KCNS3: variants seen among roughly 807,000 people sequenced by gnomAD.
KCNS3 encodes the protein potassium voltage-gated channel modifier subfamily S member 3, also known as delayed-rectifier potassium channel regulatory subunit KCNS3.
In KCNS3, 13 loss-of-function variants were observed where a neutral mutation model predicts 31.0. The ratio of observed to expected loss-of-function variants is 0.42; its 90% CI spans 0.27 to 0.67. KCNS3 has a LOEUF of 0.67. Ranked by LOEUF, KCNS3 falls within the 30% of genes least tolerant of loss-of-function variation. The pLI, the probability that KCNS3 is intolerant of heterozygous loss-of-function variation, is 0.25. For missense variants in KCNS3, 545 were observed against 622.4 expected (o/e 0.88, Z 1.32); for synonymous variants, 238 against 241.5 (o/e 0.99, Z 0.13).
intron 1 of KCNS3, among the ~76,000 whole-genome samples, chr2:17,914,573 T>G (rs1217437032): frequency 6.6e-6 from 1 of 152,212 alleles, no homozygotes; most frequent in East Asian, 1.9e-4. Flanking sequence ...TTATCCACAT[T>G]TATTCTTTTC....
intron 1 of KCNS3, among the ~76,000 whole-genome samples, chr2:17,914,692 A>T (rs910565825): frequency 6.6e-6 from 1 of 152,198 alleles, no homozygotes; most frequent in African/African-American, 2.4e-5. Flanking sequence ...TGATATTAGG[A>T]CACTGTCCCT....
In KCNS3 at chr2:17,906,833, A is replaced by T. The variant is rs149947598; in HGVS notation, c.-251-10847A>T. ...ACTGTGGTCTGAGAGACTGTTTGTT[A>T]TAATTTCTGTTCTCTTACATTTGCT... On this transcript the variant is annotated intron_variant, in intron 1 of 2. Transcript: ENST00000304101. 7.4e-3 allele frequency among the ~76,000 whole-genome samples: 1,123 copies of T among 152,274 alleles called. 14 individuals carry two copies. The highest frequency in any genetic ancestry group is 0.026 in the African/African-American group (1,061 of 41,556).
At chr2:17,878,587 G>GGGCCCCGCCCCGTCCCGTCC (rs1406173116), upstream of KCNS3, 339 of 148,084 alleles carry the variant, frequency 2.3e-3, 2 homozygotes, top group African/African-American at 7.9e-3. Context: ...GCCGAGCGGC[G>GGGCCCCGCCCCGTCCCGTCC]GGCCCCGCCC....
intron 1 of KCNS3, among the ~76,000 whole-genome samples, chr2:17,886,678 G>GTCCA (rs1217971044): frequency 5.1e-5 from 7 of 136,970 alleles, no homozygotes; most frequent in Admixed American, 2.9e-4. Context: ...CCATCCATCC[G>GTCCA]TCCGTCCATC....
chr2:17,891,782 G>A (rs1475234606), intron 1 of KCNS3, among the ~76,000 whole-genome samples: 1 of 152,158 alleles, frequency 6.6e-6, no homozygotes, highest in African/African-American at 2.4e-5. Flanking sequence ...CAGGGTTTCT[G>A]CTGAGAAATC....
At chr2:17,923,879 C>A (rs1465606690) in intron 2 of KCNS3, among the ~76,000 whole-genome samples, 1 of 151,774 alleles carries the variant, frequency 6.6e-6, no homozygotes, top group Non-Finnish European at 1.5e-5. Flanking sequence ...ATTTTGGAAT[C>A]AATTTGTCAA....
intron 1 of KCNS3, among the ~76,000 whole-genome samples, chr2:17,881,195 G>A (rs536792904): frequency 6.6e-6 from 1 of 152,324 alleles, no homozygotes; most frequent in Admixed American, 6.5e-5. Flanking sequence ...AGGCCAGTGG[G>A]AAATGGTGGG....
rs533976474 is a variant in KCNS3, at chr2:17,914,822, C to T, written c.-251-2858C>T. Reference sequence around the variant, plus strand: ...TGCAAGCACAGAGGACACAGACCTACGGTGCACTGTCACTTGGAGTGTCTG... The same window carrying T: ...TGCAAGCACAGAGGACACAGACCTATGGTGCACTGTCACTTGGAGTGTCTG... On this transcript the variant is annotated intron_variant, in intron 1 of 2. Transcript: ENST00000304101. Among the ~76,000 whole-genome samples the T allele has an allele frequency of 3.9e-5, 6 of 152,190 alleles. No individual in the cohort carries two copies. In the South Asian group the frequency reaches 6.2e-4, roughly 16 times the overall value.
intron 2 of KCNS3, among the ~76,000 whole-genome samples, chr2:17,925,178 T>G (rs1662807440): frequency 6.6e-6 from 1 of 152,106 alleles, no homozygotes; most frequent in African/African-American, 2.4e-5. Flanking sequence ...AAAAATGAGT[T>G]CAGACCATGA....
intron 1 of KCNS3, among the ~76,000 whole-genome samples, chr2:17,909,027 C>T (rs1031501263): frequency 6.6e-6 from 1 of 152,332 alleles, no homozygotes. Flanking sequence ...GTTTCTGCTG[C>T]CTTTTGTTTG....
chr2:17,901,909 C>T (rs1321580325), intron 1 of KCNS3, among the ~76,000 whole-genome samples: 2 of 152,208 alleles, frequency 1.3e-5, no homozygotes, highest in Non-Finnish European at 2.9e-5. Context: ...CCAGTGCCCT[C>T]CTTCAGCAAG....
At chr2:17,909,472 C>G (rs1301386962) in intron 1 of KCNS3, among the ~76,000 whole-genome samples, 1 of 152,182 alleles carries the variant, frequency 6.6e-6, no homozygotes, top group Non-Finnish European at 1.5e-5. Context: ...GTCCTGCCCC[C>G]ACTGTCTGAC....
chr2:17,888,326 C>G (rs1661740219), intron 1 of KCNS3, among the ~76,000 whole-genome samples: 1 of 151,878 alleles, frequency 6.6e-6, no homozygotes, highest in African/African-American at 2.4e-5. Flanking sequence ...ATGCTATCTT[C>G]TAGAATTTTT....
chr2:17,921,921 A>G (rs1436352809), intron 2 of KCNS3, among the ~76,000 whole-genome samples: 5 of 45,096 alleles, frequency 1.1e-4, no homozygotes, highest in South Asian at 9.7e-4. Flanking sequence ...GTGTGTATAT[A>G]TATATATATA....
intron 1 of KCNS3, among the ~76,000 whole-genome samples, chr2:17,909,574 C>T (rs1022531869): frequency 7.2e-5 from 11 of 152,180 alleles, no homozygotes; most frequent in African/African-American, 2.7e-4. Context: ...TAGACCGGAG[C>T]TGTTCCTATT....
intron 2 of KCNS3, among the ~76,000 whole-genome samples, chr2:17,923,655 T>G (rs1662772041): frequency 1.3e-5 from 2 of 152,040 alleles, no homozygotes; most frequent in African/African-American, 4.8e-5. Flanking sequence ...TTGTATATAG[T>G]GTGGGATACA....
intron 1 of KCNS3, among the ~76,000 whole-genome samples, chr2:17,882,788 A>G (rs546194283): frequency 2.0e-5 from 3 of 152,368 alleles, no homozygotes; most frequent in Non-Finnish European, 2.9e-5. Context: ...AAACTGATTT[A>G]GAATTTTCAT....
intron 1 of KCNS3, among the ~76,000 whole-genome samples, chr2:17,913,999 C>T (rs564267557): frequency 5.9e-5 from 9 of 152,194 alleles, no homozygotes; most frequent in Non-Finnish European, 1.2e-4. Context: ...GTTAGGATAT[C>T]TCCAGATAAG....
At chr2:17,903,223 G>C (rs1240396014) in intron 1 of KCNS3, among the ~76,000 whole-genome samples, 4 of 152,146 alleles carry the variant, frequency 2.6e-5, no homozygotes, top group Admixed American at 2.0e-4. Flanking sequence ...AAATTGTTAA[G>C]AATTTACCAT....
Sources: gnomAD v4.1 joint callset for allele counts (sites outside exome capture counted in the v4.1 genomes callset) on GRCh38, gnomAD v4.1.1 for gene constraint, MANE v1.5 for transcripts, NCBI Gene and HGNC (gene_info 2026-07-23, HGNC 2026-07-21) for gene names.